The following CDKN1B variants were observed in gnomAD, a reference collection of about 807,000 sequenced individuals.
The protein encoded by CDKN1B is cyclin dependent kinase inhibitor 1B.
A neutral mutation model predicts 17.1 loss-of-function variants in CDKN1B; 7 were observed. That is an observed-to-expected ratio of 0.41 (90% CI 0.23 to 0.77). The LOEUF (loss-of-function observed/expected upper bound fraction) is 0.77, where lower values mean the gene tolerates loss of function less well. Ranked by LOEUF, CDKN1B falls within the 30% of genes least tolerant of loss-of-function variation. The pLI, the probability that CDKN1B is intolerant of heterozygous loss-of-function variation, is 0.33. For missense variants in CDKN1B, 337 were observed against 262.0 expected (o/e 1.29, Z -1.98); for synonymous variants, 149 against 104.3 (o/e 1.43, Z -2.61).
Position 12,717,849 on chromosome 12 carries a change from G to T in CDKN1B, c.10G>T (p.Val4Leu), listed in dbSNP as rs780124638. 1.3e-5 allele frequency: 21 copies of T among 1,613,002 alleles called. No individual in the cohort carries two copies. The change falls in exon 1 of 3, where the codon GTG becomes TTG. Residue 4 changes from valine to leucine, a missense_variant. By Grantham distance (32) the Val-to-Leu change is conservative (BLOSUM62 1). Transcript: ENST00000228872. Reference protein sequence around the residue: MSNVRVSNGSPSLE... With the variant: MSNLRVSNGSPSLE... ...CAGACCCGGGAGAAAGATGTCAAACGTGCGAGTGTCTAACGGGAGCCCTAG... is the reference window on the plus strand; with the variant it reads ...CAGACCCGGGAGAAAGATGTCAAACTTGCGAGTGTCTAACGGGAGCCCTAG...
At position 12,717,773 on chromosome 12, in the gene CDKN1B, CTTTGT is replaced by C. The variant is rs1388947450; in HGVS notation, c.-60_-56del. On this transcript the variant is annotated 5_prime_UTR_variant, in exon 1 of 3. Coordinates refer to ENST00000228872, the MANE Select transcript of CDKN1B (RefSeq NM_004064.5). Reference sequence around the variant, plus strand: ...GAGGGGTTCGGGCTGCGTAGGGGCGCTTTGTTTTGTTCGGTTTTGTTTTTTTGAGA... The same window carrying C: ...GAGGGGTTCGGGCTGCGTAGGGGCGCTTTGTTCGGTTTTGTTTTTTTGAGA... The C allele has an allele frequency of 1.9e-6, 3 of 1,605,652 alleles. No homozygotes were observed. The highest frequency in any genetic ancestry group is 2.5e-6 in the Non-Finnish European group (3 of 1,179,752).
Position 12,722,141 on chromosome 12 carries a change from T to G in CDKN1B, c.*1114T>G, listed in dbSNP as rs1946545626. The G allele has an allele frequency of 6.6e-6, 1 of 152,630 alleles. No homozygotes were observed. The highest frequency in any genetic ancestry group is 1.5e-5 in the Non-Finnish European group (1 of 68,044). 9.5% of individuals were successfully genotyped at this position (152,630 alleles called of 1,614,324 possible). ...CACTGAAAAATTATACTAACTTATT[T>G]ATGTTAAAAGATTTTTTTTAATCTA... is the stretch of plus-strand genomic sequence containing the variant. On this transcript the variant is annotated 3_prime_UTR_variant, in exon 3 of 3. Coordinates refer to ENST00000228872, the MANE Select transcript of CDKN1B (RefSeq NM_004064.5).
At position 12,718,170 on chromosome 12, in the gene CDKN1B, G is replaced by T; in HGVS notation, c.331G>T (p.Gly111Trp). ...VPAQESQDVS[G>W]SRPAAPLIGA... ...GGCGCAGGAGAGCCAGGATGTCAGC[G>T]GGAGCCGCCCGGCGGCGCCTTTAAT... Residue 111 changes from glycine (G) to tryptophan (W), a missense_variant, in exon 1 of 3, where the codon GGG becomes TGG. Physicochemically the swap from Gly to Trp is radical, Grantham distance 184. Coordinates refer to ENST00000228872, the MANE Select transcript of CDKN1B (RefSeq NM_004064.5). 6.2e-7 allele frequency: 1 copy of T among 1,613,456 alleles called. No individual in the cohort carries two copies. Among genetic ancestry groups the T allele is most frequent in the Non-Finnish European group, 8.5e-7 (1 of 1,179,830 alleles).
In CDKN1B at chr12:12,717,545, C is replaced by G. The variant is rs1946477863; in HGVS notation, c.-295C>G. ...CGGGACCCGCGGGCTTGCACCCGCCCAGACTCGGACGGGCTTTGCCACCCT... is the reference window on the plus strand; with the variant it reads ...CGGGACCCGCGGGCTTGCACCCGCCGAGACTCGGACGGGCTTTGCCACCCT... On this transcript the variant is annotated 5_prime_UTR_variant, in exon 1 of 3. Transcript: ENST00000228872. 3.6e-6 allele frequency: 5 copies of G among 1,401,624 alleles called. No individual in the cohort carries two copies. The highest frequency in any genetic ancestry group is 4.6e-6 in the Non-Finnish European group (5 of 1,078,896). 86.8% of individuals were successfully genotyped at this position (1,401,624 alleles called of 1,614,324 possible). A position where few individuals can be genotyped will look rare whatever the true frequency, so the allele number is the denominator to read the frequency against.
chr12:12,718,831 C>A lies in CDKN1B; in HGVS notation c.482C>A (p.Ser161Tyr), dbSNP rs373917399. 1 of 1,614,072 alleles carries A rather than the reference C, an allele frequency of 6.2e-7. No homozygotes were observed. The highest frequency in any genetic ancestry group is 8.5e-7 in the Non-Finnish European group (1 of 1,180,000). Reference protein sequence around the residue: ...IRKRPATDDSSTQNKRANRTE... With the variant: ...IRKRPATDDSYTQNKRANRTE... ...AAATTTCCCCTGCGCTTAGATTCTT[C>A]TACTCAAAACAAAAGAGCCAACAGA... The change falls in exon 2 of 3, where the codon TCT becomes TAT. Residue 161 changes from serine to tyrosine, a missense_variant. Transcript: ENST00000228872.
intron 2 of CDKN1B, 111 bp from the exon 3 acceptor site, chr12:12,720,925 C>A (rs895401982): frequency 3.7e-6 from 2 of 546,078 alleles, no homozygotes; most frequent in Non-Finnish European, 6.5e-6. Context: ...AAACTTTTTT[C>A]CCCATCAAGT....
rs1160117155 is a variant in CDKN1B, at chr12:12,722,321, C to G, written c.*1294C>G. On this transcript the variant is annotated 3_prime_UTR_variant, in exon 3 of 3. Transcript: ENST00000228872. ...TTTTTGTAATGTGTGAAAAAGATGC[C>G]AATTATTGTTACACATTAAGTAATC... The G allele has an allele frequency of 6.6e-6, 1 of 152,524 alleles. No individual in the cohort carries two copies. The highest frequency in any genetic ancestry group is 2.4e-5 in the African/African-American group (1 of 41,410). The allele number at this position is 152,524 out of a possible 1,614,324, so 9.4% of individuals were successfully genotyped here.
Position 12,717,658 on chromosome 12 carries a change from C to T in CDKN1B, c.-182C>T. ...AGACTCGGCGGCCGGGCCGGGGCTT[C>T]CCCGCAGCCCCTGCGCGCTCCTAGA... On this transcript the variant is annotated 5_prime_UTR_variant, in exon 1 of 3. Transcript: ENST00000228872. 4.0e-6 allele frequency: 6 copies of T among 1,485,570 alleles called. No homozygotes were observed. Among genetic ancestry groups the T allele is most frequent in the South Asian group, 1.3e-5 (1 of 76,434 alleles). 92.0% of individuals were successfully genotyped at this position (1,485,570 alleles called of 1,614,324 possible).
chr12:12,717,530 G>C lies in CDKN1B; in HGVS notation c.-310G>C, dbSNP rs747806211. The C allele has an allele frequency of 2.1e-4, 289 of 1,383,836 alleles. No individual in the cohort carries two copies. The highest frequency in any genetic ancestry group is 1.3e-4 in the Non-Finnish European group (136 of 1,068,196). 85.7% of individuals were successfully genotyped at this position (1,383,836 alleles called of 1,614,324 possible). A position where few individuals can be genotyped will look rare whatever the true frequency, so the allele number is the denominator to read the frequency against. ...GAGCGGCTGGGTTCGCGGGACCCGC[G>C]GGCTTGCACCCGCCCAGACTCGGAC... On this transcript the variant is annotated 5_prime_UTR_variant, in exon 1 of 3. Coordinates refer to ENST00000228872, the MANE Select transcript of CDKN1B (RefSeq NM_004064.5).
chr12:12,717,415 A>G lies in CDKN1B; in HGVS notation c.-425A>G, dbSNP rs1193519171. ...ACCGCCATATTGGGCCACTAAAAAAAGGGGGCTCGTCTTTTCGGGGTGTTT... is the reference window on the plus strand; with the variant it reads ...ACCGCCATATTGGGCCACTAAAAAAGGGGGGCTCGTCTTTTCGGGGTGTTT... On this transcript the variant is annotated 5_prime_UTR_variant, in exon 1 of 3. Transcript: ENST00000228872. 5 of 1,216,676 alleles carry G rather than the reference A, an allele frequency of 4.1e-6. No homozygotes were observed. Among genetic ancestry groups the G allele is most frequent in the African/African-American group, 1.5e-5 (1 of 64,820 alleles). 75.4% of individuals were successfully genotyped at this position (1,216,676 alleles called of 1,614,324 possible).
chr12:12,718,242 A>C lies in CDKN1B; in HGVS notation c.403A>C (p.Thr135Pro). The C allele has an allele frequency of 6.2e-7, 1 of 1,611,944 alleles. No homozygotes were observed. The highest frequency in any genetic ancestry group is 8.5e-7 in the Non-Finnish European group (1 of 1,180,028). ...GGACACGCATTTGGTGGACCCAAAGACTGATCCGTCGGACAGCCAGACGGG... is the reference window on the plus strand; with the variant it reads ...GGACACGCATTTGGTGGACCCAAAGCCTGATCCGTCGGACAGCCAGACGGG... ...SEDTHLVDPK[T>P]DPSDSQTGLA... The change falls in exon 1 of 3, where the codon ACT becomes CCT. Residue 135 changes from threonine to proline, a missense_variant. Thr to Pro is a conservative substitution (Grantham distance 38). Transcript: ENST00000228872.
chr12:12,717,560 T>G lies in CDKN1B; in HGVS notation c.-280T>G. ...TGCACCCGCCCAGACTCGGACGGGC[T>G]TTGCCACCCTCTCCGCTTGCCTGGT... is the stretch of plus-strand genomic sequence containing the variant. On this transcript the variant is annotated 5_prime_UTR_variant, in exon 1 of 3. Coordinates refer to ENST00000228872, the MANE Select transcript of CDKN1B (RefSeq NM_004064.5). 7.1e-7 allele frequency: 1 copy of G among 1,410,248 alleles called. No individual in the cohort carries two copies. Among genetic ancestry groups the G allele is most frequent in the Non-Finnish European group, 9.2e-7 (1 of 1,084,370 alleles). The allele number at this position is 1,410,248 out of a possible 1,614,324, so 87.4% of individuals were successfully genotyped here. A position where few individuals can be genotyped will look rare whatever the true frequency, so the allele number is the denominator to read the frequency against.
rs1946483500 is a variant in CDKN1B, at chr12:12,717,774, T to A, written c.-66T>A. The A allele has an allele frequency of 6.3e-7, 1 of 1,592,854 alleles. No individual in the cohort carries two copies. The highest frequency in any genetic ancestry group is 8.5e-7 in the Non-Finnish European group (1 of 1,172,444). ...AGGGGTTCGGGCTGCGTAGGGGCGC[T>A]TTGTTTTGTTCGGTTTTGTTTTTTT... On this transcript the variant is annotated 5_prime_UTR_variant, in exon 1 of 3. Coordinates refer to ENST00000228872, the MANE Select transcript of CDKN1B (RefSeq NM_004064.5).
chr12:12,718,007 C>T lies in CDKN1B; in HGVS notation c.168C>T (p.Ser56=), dbSNP rs35456792. The T allele has an allele frequency of 6.9e-5, 112 of 1,614,078 alleles. No individual in the cohort carries two copies. Among genetic ancestry groups the T allele is most frequent in the East Asian group, 2.0e-4 (9 of 44,890 alleles). The change falls in exon 1 of 3, where the codon AGC becomes AGT. Residue 56 remains serine, a synonymous_variant. Coordinates refer to ENST00000228872, the MANE Select transcript of CDKN1B (RefSeq NM_004064.5). ...EKHCRDMEEA[S]QRKWNFDFQN... is the part of the protein sequence containing the mutation. The stretch of plus-strand genomic sequence containing the variant: ...ACTGCAGAGACATGGAAGAGGCGAG[C>T]CAGCGCAAGTGGAATTTCGATTTTC...
chr12:12,721,120 T>A lies in CDKN1B; in HGVS notation c.*93T>A, dbSNP rs1169273141. ...TATACATGAAAATTTTAAAAATACATATCGCTGACTTCATGGAATGGACAT... is the reference window on the plus strand; with the variant it reads ...TATACATGAAAATTTTAAAAATACAAATCGCTGACTTCATGGAATGGACAT... On this transcript the variant is annotated 3_prime_UTR_variant, in exon 3 of 3. Transcript: ENST00000228872. 2 of 774,038 alleles carry A rather than the reference T, an allele frequency of 2.6e-6. No homozygotes were observed. The highest frequency in any genetic ancestry group is 4.8e-6 in the Non-Finnish European group (2 of 415,288). The allele number at this position is 774,038 out of a possible 1,614,324, so 47.9% of individuals were successfully genotyped here. A position where few individuals can be genotyped will look rare whatever the true frequency, so the allele number is the denominator to read the frequency against.
chr12:12,717,390 A>G lies in CDKN1B; in HGVS notation c.-450A>G. ...TTTCTTCTTCGTCAGCCTCCCTTCC[A>G]CCGCCATATTGGGCCACTAAAAAAA... On this transcript the variant is annotated 5_prime_UTR_variant, in exon 1 of 3. Coordinates refer to ENST00000228872, the MANE Select transcript of CDKN1B (RefSeq NM_004064.5). 4 of 1,165,046 alleles carry G rather than the reference A, an allele frequency of 3.4e-6. No individual in the cohort carries two copies. Among genetic ancestry groups the G allele is most frequent in the Non-Finnish European group, 3.2e-6 (3 of 938,584 alleles). The allele number at this position is 1,165,046 out of a possible 1,614,324, so 72.2% of individuals were successfully genotyped here. A position where few individuals can be genotyped will look rare whatever the true frequency, so the allele number is the denominator to read the frequency against.
intron 2 of CDKN1B, among the ~76,000 whole-genome samples, chr12:12,719,706 T>C (rs1005676343): frequency 2.0e-5 from 3 of 152,266 alleles, no homozygotes; most frequent in Non-Finnish European, 4.4e-5. Context: ...CAGGGTGATT[T>C]GGATATTTGT....
rs1003239437 is a variant in CDKN1B, at chr12:12,717,423, C to A, written c.-417C>A. On this transcript the variant is annotated 5_prime_UTR_variant, in exon 1 of 3. Coordinates refer to ENST00000228872, the MANE Select transcript of CDKN1B (RefSeq NM_004064.5). ...ATTGGGCCACTAAAAAAAGGGGGCT[C>A]GTCTTTTCGGGGTGTTTTTCTCCCC... The A allele has an allele frequency of 8.1e-7, 1 of 1,228,974 alleles. No individual in the cohort carries two copies. Among genetic ancestry groups the A allele is most frequent in the Non-Finnish European group, 1.0e-6 (1 of 977,860 alleles). 76.1% of individuals were successfully genotyped at this position (1,228,974 alleles called of 1,614,324 possible).
chr12:12,719,123 T>A, intron 2 of CDKN1B, 169 bp downstream of exon 2: 2 of 746,346 alleles, frequency 2.7e-6, no homozygotes, highest in Non-Finnish European at 4.4e-6. Context: ...CGGTAATTCC[T>A]CAGAGTTTCT....
Sources: gnomAD v4.1 joint callset for allele counts (sites outside exome capture counted in the v4.1 genomes callset) on GRCh38, gnomAD v4.1.1 for gene constraint, MANE v1.5 for transcripts, NCBI Gene and HGNC (gene_info 2026-07-23, HGNC 2026-07-21) for gene names.